Variants in CREM observed in about 807,000 individuals in gnomAD.
The protein encoded by CREM is cAMP-responsive element modulator.
A neutral mutation model predicts 37.3 loss-of-function variants in CREM; 13 were observed. The ratio of observed to expected loss-of-function variants is 0.35; its 90% CI spans 0.23 to 0.55. CREM has a LOEUF of 0.55. Ranked by LOEUF, CREM falls within the 20% of genes least tolerant of loss-of-function variation. The probability of loss-of-function intolerance (pLI) is 0.88; values close to 1 mark genes in which losing one functional copy is unlikely to be tolerated. For synonymous variants in CREM, 124 were observed against 120.2 expected (o/e 1.03, Z -0.21); for missense variants, 296 against 362.3 (o/e 0.82, Z 1.49).
intron 3 of CREM, chr10:35,175,487 C>G (rs2132939287): frequency 1.7e-6 from 1 of 576,588 alleles, no homozygotes; most frequent in South Asian, 2.2e-5. Flanking sequence ...TCCAATTTCT[C>G]TGAAGAAGTT....
chr10:35,195,357 T>C, intron 6 of CREM: 1 of 789,146 alleles, frequency 1.3e-6, no homozygotes, highest in Non-Finnish European at 2.0e-6. Flanking sequence ...TATACATCTA[T>C]ATATTCAGCT....
chr10:35,155,626 CTTTTCT>C (rs1485513869), intron 3 of CREM, among the ~76,000 whole-genome samples: 126 of 41,886 alleles, frequency 3.0e-3, no homozygotes, highest in Middle Eastern at 0.019. Context: ...CTTTTCTTTT[CTTTTCT>C]TTTTTTTTTT....
intron 6 of CREM, among the ~76,000 whole-genome samples, chr10:35,201,901 C>G (rs559840561): frequency 1.3e-5 from 2 of 152,272 alleles, no homozygotes; most frequent in South Asian, 4.1e-4. Flanking sequence ...TTCTAAATGA[C>G]AGCAGGCTTG....
chr10:35,160,665 TGTAA>T (rs1195459444), intron 3 of CREM, among the ~76,000 whole-genome samples: 8 of 152,194 alleles, frequency 5.3e-5, no homozygotes, highest in Non-Finnish European at 1.2e-4. Flanking sequence ...TGTAGCTTAC[TGTAA>T]GTTTTTTACT....
At position 35,177,132 on chromosome 10, in the gene CREM, T is replaced by C. The variant is rs143149093; in HGVS notation, c.169-1757T>C. Among the ~76,000 whole-genome samples, 589 of 152,294 alleles carry C rather than the reference T, an allele frequency of 3.9e-3. 8 individuals are homozygous for C. Among genetic ancestry groups the C allele is most frequent in the African/African-American group, 0.014 (566 of 41,556 alleles). ...ACACGTATACATAGTATAGTCCTTTTCTTGCGTGTTCAAGTAGTTTATCAC... is the reference window on the plus strand; with the variant it reads ...ACACGTATACATAGTATAGTCCTTTCCTTGCGTGTTCAAGTAGTTTATCAC... On this transcript the variant is annotated intron_variant, in intron 3 of 7. Transcript: ENST00000685392.
At chr10:35,184,991 C>T in intron 5 of CREM, among the ~76,000 whole-genome samples, 1 of 151,880 alleles carries the variant, frequency 6.6e-6, no homozygotes, top group East Asian at 1.9e-4. Flanking sequence ...TCACAGGGGG[C>T]TTAAGTTTTT....
intron 3 of CREM, among the ~76,000 whole-genome samples, chr10:35,165,056 C>CAAAAAAAAAAAAA (rs60898349): frequency 1.3e-3 from 95 of 74,600 alleles, no homozygotes; most frequent in Non-Finnish European, 1.7e-3. Context: ...GGCTCCATCT[C>CAAAAAAAAAAAAA]AAAAAAAAAA....
At chr10:35,150,577 T>C (rs1326242240) in intron 3 of CREM, among the ~76,000 whole-genome samples, 2 of 152,158 alleles carry the variant, frequency 1.3e-5, no homozygotes, top group Non-Finnish European at 2.9e-5. Context: ...ATCCCAGTAC[T>C]TTGGGAGGCC....
chr10:35,146,874 G>A (rs985984642), intron 2 of CREM, among the ~76,000 whole-genome samples: 8 of 152,206 alleles, frequency 5.3e-5, no homozygotes, highest in African/African-American at 1.9e-4. Flanking sequence ...GTAGAATCTG[G>A]TAACTAATTA....
chr10:35,157,350 G>C (rs1020788830), intron 3 of CREM, among the ~76,000 whole-genome samples: 1 of 152,122 alleles, frequency 6.6e-6, no homozygotes, highest in African/African-American at 2.4e-5. Context: ...AGGATACCAG[G>C]CCAGGTGTGG....
Position 35,178,745 on chromosome 10 carries a change from G to C in CREM, c.169-144G>C, listed in dbSNP as rs2094212660. 10 of 588,298 alleles carry C rather than the reference G, an allele frequency of 1.7e-5. No homozygotes were observed. In the East Asian group the frequency reaches 2.9e-4, roughly 17 times the overall value. The allele number at this position is 588,298 out of a possible 1,614,324, so 36.4% of individuals were successfully genotyped here. A position where few individuals can be genotyped will look rare whatever the true frequency, so the allele number is the denominator to read the frequency against. On this transcript the variant is annotated intron_variant, in intron 3 of 7. Coordinates refer to ENST00000685392, the MANE Select transcript of CREM (RefSeq NM_183011.2). ...TCCTTTCTTGAGCCAGACTCCTTCA[G>C]TGCAGATTCACTGTGTTCTATTGCT...
chr10:35,187,052 TTAA>T lies in CREM; in HGVS notation c.410-1145_410-1143del, dbSNP rs1285037381. ...CACATATAATATATATTATATATAA[TTAA>T]TATATATAATTAATATAATAATATA... is the stretch of plus-strand genomic sequence containing the variant. On this transcript the variant is annotated intron_variant, in intron 5 of 7. Transcript: ENST00000685392. Among the ~76,000 whole-genome samples, 6 of 75,292 alleles carry T rather than the reference TTAA, an allele frequency of 8.0e-5. No individual in the cohort carries two copies. In the South Asian group the frequency reaches 1.7e-3, roughly 22 times the overall value. The allele number at this position is 75,292 out of a possible 152,430, so 49.4% of individuals were successfully genotyped here.
chr10:35,157,136 A>C (rs1331567585), intron 3 of CREM, among the ~76,000 whole-genome samples: 1 of 152,222 alleles, frequency 6.6e-6, no homozygotes, highest in African/African-American at 2.4e-5. Flanking sequence ...AGAATGAAGG[A>C]AAAAGACCAT....
At chr10:35,176,316 T>C (rs1280023444) in intron 3 of CREM, among the ~76,000 whole-genome samples, 1 of 152,162 alleles carries the variant, frequency 6.6e-6, no homozygotes, top group African/African-American at 2.4e-5. Flanking sequence ...CCAAGGGTGC[T>C]GAAAAATATT....
At chr10:35,178,352 A>C (rs923733124) in intron 3 of CREM, among the ~76,000 whole-genome samples, 4 of 152,212 alleles carry the variant, frequency 2.6e-5, no homozygotes, top group African/African-American at 9.6e-5. Context: ...TCCTTGTAAT[A>C]GAAATCCTGA....
At position 35,211,904 on chromosome 10, in the gene CREM, A is replaced by C; in HGVS notation, c.*506A>C. 8.6e-7 allele frequency: 1 copy of C among 1,161,264 alleles called. No homozygotes were observed. Among genetic ancestry groups the C allele is most frequent in the Non-Finnish European group, 1.2e-6 (1 of 857,496 alleles). The allele number at this position is 1,161,264 out of a possible 1,614,324, so 71.9% of individuals were successfully genotyped here. On this transcript the variant is annotated 3_prime_UTR_variant, in exon 8 of 8. Transcript: ENST00000685392. The stretch of plus-strand genomic sequence containing the variant: ...GTGGCTTCTTTTCTTTGTATCATTC[A>C]TCTTCTTCTTTAATCACTTAACATT...
intron 3 of CREM, among the ~76,000 whole-genome samples, chr10:35,153,817 C>G (rs572029750): frequency 5.9e-5 from 9 of 152,296 alleles, no homozygotes; most frequent in Admixed American, 2.0e-4. Flanking sequence ...TTGTCAAGGT[C>G]AGCAAACTGC....
chr10:35,139,282 G>C (rs897400443), intron 2 of CREM, among the ~76,000 whole-genome samples: 10 of 152,000 alleles, frequency 6.6e-5, no homozygotes, highest in Admixed American at 1.3e-4. Flanking sequence ...GCCACACCCA[G>C]CTAATTTTTG....
intron 6 of CREM, among the ~76,000 whole-genome samples, chr10:35,189,585 G>A (rs558059877): frequency 3.9e-5 from 6 of 151,944 alleles, no homozygotes; most frequent in African/African-American, 2.4e-5. Flanking sequence ...GCGCGATCTC[G>A]GCTCACTGCG....
Sources: gnomAD v4.1 joint callset for allele counts (sites outside exome capture counted in the v4.1 genomes callset) on GRCh38, gnomAD v4.1.1 for gene constraint, MANE v1.5 for transcripts, NCBI Gene and HGNC (gene_info 2026-07-23, HGNC 2026-07-21) for gene names.